The following DERA variants were observed in gnomAD, a reference collection of about 807,000 sequenced individuals.
DERA encodes the protein 2-deoxy-D-ribose 5-phosphate aldolase.
DERA carries 15 observed loss-of-function variants against 41.1 expected under a neutral mutation model. That is an observed-to-expected ratio of 0.37 (90% CI 0.24 to 0.56). DERA has a LOEUF of 0.56. Ranked by LOEUF, DERA falls within the 20% of genes least tolerant of loss-of-function variation. The pLI, the probability that DERA is intolerant of heterozygous loss-of-function variation, is 0.81. For synonymous variants in DERA, 139 were observed against 137.4 expected (o/e 1.01, Z -0.08); for missense variants, 396 against 403.4 (o/e 0.98, Z 0.16).
At position 16,004,203 on chromosome 12, in the gene DERA, T is replaced by G. The variant is rs1592045818; in HGVS notation, c.637+21767T>G. On this transcript the variant is annotated intron_variant, in intron 6 of 8. Transcript: ENST00000428559. The surrounding 1 kb of genome is among the most constrained non-coding windows in gnomAD (Gnocchi z 4.2). The stretch of plus-strand genomic sequence containing the variant: ...GGTAGAAAATATAATTGGTTTATCT[T>G]TGTAGTCAAATAGCAATTTCATATA... Among the ~76,000 whole-genome samples the G allele has an allele frequency of 6.6e-6, 1 of 152,378 alleles. No homozygotes were observed. Among genetic ancestry groups the G allele is most frequent in the East Asian group, 1.9e-4 (1 of 5,192 alleles).
In DERA at chr12:15,985,575, T is replaced by C. The variant is rs570826706; in HGVS notation, c.637+3139T>C. Among the ~76,000 whole-genome samples, 2,711 of 99,780 alleles carry C rather than the reference T, an allele frequency of 0.027. 28 individuals carry two copies. Among genetic ancestry groups the C allele is most frequent in the Admixed American group, 0.041 (378 of 9,246 alleles). 65.5% of individuals were successfully genotyped at this position (99,780 alleles called of 152,430 possible). On this transcript the variant is annotated intron_variant, in intron 6 of 8. Coordinates refer to ENST00000428559, the MANE Select transcript of DERA (RefSeq NM_015954.4). This position sits in a 1 kb window ranked among gnomAD's most constrained non-coding sequence, Gnocchi z 4.2. ...AAGTTTTTATTTTGTTGTTTTTTTT[T>C]CATTACTTTTCAGTGAAAGTTATTT...
At position 15,911,671 on chromosome 12, in the gene DERA, T is replaced by A; in HGVS notation, c.31+257T>A. 2.9e-6 allele frequency: 2 copies of A among 685,134 alleles called. No individual in the cohort carries two copies. The highest frequency in any genetic ancestry group is 5.3e-6 in the Non-Finnish European group (2 of 374,406). 42.4% of individuals were successfully genotyped at this position (685,134 alleles called of 1,614,324 possible). A position where few individuals can be genotyped will look rare whatever the true frequency, so the allele number is the denominator to read the frequency against. Reference sequence around the variant, plus strand: ...GGAAAGGGTTAGATTATTATCTTCCTGCCTTTTCGTTCACTCTAGCTCGCT... The same window carrying A: ...GGAAAGGGTTAGATTATTATCTTCCAGCCTTTTCGTTCACTCTAGCTCGCT... On this transcript the variant is annotated intron_variant, in intron 1 of 8. Coordinates refer to ENST00000428559, the MANE Select transcript of DERA (RefSeq NM_015954.4). This position sits in a 1 kb window ranked among gnomAD's most constrained non-coding sequence, Gnocchi z 4.5.
At chr12:15,979,295 G>C (rs1948717967) in intron 5 of DERA, among the ~76,000 whole-genome samples, 4 of 152,334 alleles carry the variant, frequency 2.6e-5, no homozygotes. Flanking sequence ...CAGGGCCACT[G>C]CTGGTGCTGC....
rs541809188 is a variant in DERA at position 15,943,942 on chromosome 12, T to C, written c.32-12994T>C. The stretch of plus-strand genomic sequence containing the variant: ...CCCTTCCTGTGTCCAAGTGTTCTCA[T>C]TGTTCAATTCCCACCTATGAGTGAG... On this transcript the variant is annotated intron_variant, in intron 1 of 8. Transcript: ENST00000428559. The surrounding 1 kb of genome is among the most constrained non-coding windows in gnomAD (Gnocchi z 4.5). Among the ~76,000 whole-genome samples, 56 of 140,886 alleles carry C rather than the reference T, an allele frequency of 4.0e-4. No homozygotes were observed. Among genetic ancestry groups the C allele is most frequent in the African/African-American group, 1.3e-3 (51 of 38,036 alleles). 92.4% of individuals were successfully genotyped at this position (140,886 alleles called of 152,430 possible).
rs1412752351 is a variant in DERA, at chr12:15,965,230, A to G, written c.508+2283A>G. 6.6e-6 allele frequency among the ~76,000 whole-genome samples: 1 copy of G among 152,196 alleles called. No homozygotes were observed. The highest frequency in any genetic ancestry group is 6.5e-5 in the Admixed American group (1 of 15,280). ...ATCAAGCAATTGCAGTTTTAAATCC[A>G]GGGCCCTCTCCCTTGTGCAGTGAGG... On this transcript the variant is annotated intron_variant, in intron 5 of 8. Transcript: ENST00000428559. This position sits in a 1 kb window ranked among gnomAD's most constrained non-coding sequence, Gnocchi z 4.1.
chr12:15,986,704 CTT>C (rs145932380), intron 6 of DERA, among the ~76,000 whole-genome samples: 9,806 of 152,176 alleles, frequency 0.064, 1,019 homozygotes, highest in African/African-American at 0.22. Flanking sequence ...AGTCACTTGT[CTT>C]TTGAGGACAT....
intron 1 of DERA, among the ~76,000 whole-genome samples, chr12:15,934,597 C>A (rs1042449979): frequency 4.7e-5 from 7 of 150,256 alleles, no homozygotes; most frequent in Non-Finnish European, 7.4e-5. Flanking sequence ...AAAAAAAAAA[C>A]AAAAAAAAGT....
chr12:15,950,270 A>G lies in DERA; in HGVS notation c.32-6666A>G, dbSNP rs150611231. On this transcript the variant is annotated intron_variant, in intron 1 of 8. Coordinates refer to ENST00000428559, the MANE Select transcript of DERA (RefSeq NM_015954.4). ...TTTTTAATGGTTATTTCCTGATTATATGCTAAACAAAGGGTGGATTATTTG... is the reference window on the plus strand; with the variant it reads ...TTTTTAATGGTTATTTCCTGATTATGTGCTAAACAAAGGGTGGATTATTTG... 1.1e-3 allele frequency among the ~76,000 whole-genome samples: 175 copies of G among 152,318 alleles called. 1 individual carries two copies. Among genetic ancestry groups the G allele is most frequent in the African/African-American group, 4.0e-3 (167 of 41,580 alleles).
In DERA at chr12:15,992,135, C is replaced by T. The variant is rs1948806430; in HGVS notation, c.637+9699C>T. ...GGACCACACCTTCCTTAACTTTATT[C>T]CTCTGCGATTACTATCAAACCTGGC... is the stretch of plus-strand genomic sequence containing the variant. On this transcript the variant is annotated intron_variant, in intron 6 of 8. Coordinates refer to ENST00000428559, the MANE Select transcript of DERA (RefSeq NM_015954.4). The surrounding 1 kb of genome is among the most constrained non-coding windows in gnomAD (Gnocchi z 4.3). Among the ~76,000 whole-genome samples the T allele has an allele frequency of 6.6e-6, 1 of 150,534 alleles. No homozygotes were observed.
In DERA at chr12:16,021,945, T is replaced by G. The variant is rs1274458037; in HGVS notation, c.638-10597T>G. Among the ~76,000 whole-genome samples, 1 of 152,196 alleles carries G rather than the reference T, an allele frequency of 6.6e-6. No homozygotes were observed. Among genetic ancestry groups the G allele is most frequent in the Non-Finnish European group, 1.5e-5 (1 of 68,024 alleles). ...GACTTTGGACTTTAGACTTTGGCAT[T>G]TTTGAGCTAAGGCTGGAACAAGTTA... On this transcript the variant is annotated intron_variant, in intron 6 of 8. Coordinates refer to ENST00000428559, the MANE Select transcript of DERA (RefSeq NM_015954.4). The surrounding 1 kb of genome is among the most constrained non-coding windows in gnomAD (Gnocchi z 5.3).
intron 1 of DERA, among the ~76,000 whole-genome samples, chr12:15,953,813 A>G (rs553410388): frequency 6.6e-6 from 1 of 152,348 alleles, no homozygotes; most frequent in East Asian, 1.9e-4. Context: ...AGACCCCATA[A>G]TAGGAGAACA....
In DERA at chr12:15,924,706, T is replaced by C. The variant is rs1478046311; in HGVS notation, c.31+13292T>C. ...AGTGATCAATAAATGGTAGCCATTATTGTAATTCCAATCGATCCTATATTG... is the reference window on the plus strand; with the variant it reads ...AGTGATCAATAAATGGTAGCCATTACTGTAATTCCAATCGATCCTATATTG... On this transcript the variant is annotated intron_variant, in intron 1 of 8. Transcript: ENST00000428559. This position sits in a 1 kb window ranked among gnomAD's most constrained non-coding sequence, Gnocchi z 5.0. Among the ~76,000 whole-genome samples, 3 of 152,226 alleles carry C rather than the reference T, an allele frequency of 2.0e-5. No individual in the cohort carries two copies. The highest frequency in any genetic ancestry group is 4.4e-5 in the Non-Finnish European group (3 of 68,034).
rs1948369941 is a variant in DERA, at chr12:15,936,897, T to TCCC, written c.32-20039_32-20038insCCC. 2.8e-5 allele frequency among the ~76,000 whole-genome samples: 4 copies of TCCC among 140,592 alleles called. No homozygotes were observed. The highest frequency in any genetic ancestry group is 8.1e-5 in the African/African-American group (3 of 37,208). 92.2% of individuals were successfully genotyped at this position (140,592 alleles called of 152,430 possible). A position where few individuals can be genotyped will look rare whatever the true frequency, so the allele number is the denominator to read the frequency against. ...TGTCTTGTCTTGTCTTGTCCTGTCC[T>TCCC]GTCCTGTCCTGTCCTGTCCTGTCCT... On this transcript the variant is annotated intron_variant, in intron 1 of 8. Coordinates refer to ENST00000428559, the MANE Select transcript of DERA (RefSeq NM_015954.4). The surrounding 1 kb of genome is among the most constrained non-coding windows in gnomAD (Gnocchi z 4.6).
chr12:15,997,829 C>T (rs1332601292), intron 6 of DERA, among the ~76,000 whole-genome samples: 1 of 152,166 alleles, frequency 6.6e-6, no homozygotes, highest in African/African-American at 2.4e-5. Context: ...AAATTCATTG[C>T]CTTTTCCCCA....
chr12:15,951,571 CT>C (rs1948497699), intron 1 of DERA: 1 of 152,154 alleles, frequency 6.6e-6, no homozygotes, highest in African/African-American at 2.4e-5. Flanking sequence ...GGCAGTTCCT[CT>C]TAATTCAAGA....
In DERA at chr12:15,921,585, T is replaced by G. The variant is rs1229338241; in HGVS notation, c.31+10171T>G. Among the ~76,000 whole-genome samples, 4 of 152,154 alleles carry G rather than the reference T, an allele frequency of 2.6e-5. No homozygotes were observed. Among genetic ancestry groups the G allele is most frequent in the Non-Finnish European group, 5.9e-5 (4 of 68,028 alleles). On this transcript the variant is annotated intron_variant, in intron 1 of 8. Coordinates refer to ENST00000428559, the MANE Select transcript of DERA (RefSeq NM_015954.4). This position sits in a 1 kb window ranked among gnomAD's most constrained non-coding sequence, Gnocchi z 5.3. ...TATTGTGGTATTTTGAGGGAGATTA[T>G]TTTTTCTTCAGTAAGTAGCAAGAAA...
chr12:16,023,533 A>T (rs928319700), intron 6 of DERA, among the ~76,000 whole-genome samples: 4 of 132,774 alleles, frequency 3.0e-5, no homozygotes. Flanking sequence ...GCTGGAGTGC[A>T]GTGGCGGGAT....
intron 6 of DERA, among the ~76,000 whole-genome samples, chr12:16,007,175 GTTT>G: frequency 7.7e-6 from 1 of 129,202 alleles, no homozygotes; most frequent in African/African-American, 2.9e-5. Context: ...GGGTTTTTTT[GTTT>G]TTTTTTTTTT....
At chr12:15,962,634 T>C in intron 4 of DERA, 179 bp from the exon 5 acceptor site, 1 of 509,432 alleles carries the variant, frequency 2.0e-6, no homozygotes, top group Non-Finnish European at 3.5e-6. Flanking sequence ...TTCACACTTA[T>C]GCATAAGTGA....
Sources: allele counts gnomAD v4.1 joint callset (sites outside exome capture counted in the v4.1 genomes callset), GRCh38; gene constraint gnomAD v4.1.1; non-coding constraint Gnocchi (gnomAD v3.1); transcripts MANE v1.5; gene names NCBI Gene and HGNC (gene_info 2026-07-23, HGNC 2026-07-21).